The following RBM47 variants were observed in gnomAD, a reference collection of about 807,000 sequenced individuals.
The protein encoded by RBM47 is RNA binding motif protein 47.
RBM47 carries 21 observed loss-of-function variants against 47.1 expected under a neutral mutation model. That is an observed-to-expected ratio of 0.45 (90% CI 0.32 to 0.64). RBM47 has a LOEUF of 0.64. Ranked by LOEUF, RBM47 falls within the 30% of genes least tolerant of loss-of-function variation. The pLI, the probability that RBM47 is intolerant of heterozygous loss-of-function variation, is 0.05. For missense variants in RBM47, 708 were observed against 870.9 expected (o/e 0.81, Z 2.35); for synonymous variants, 375 against 361.7 (o/e 1.04, Z -0.42).
chr4:40,626,242 T>A (rs2154282441), intron 1 of RBM47, among the ~76,000 whole-genome samples: 1 of 152,274 alleles, frequency 6.6e-6, no homozygotes. Context: ...TTTTGTTTTG[T>A]TTTTTCAGGT....
Position 40,585,676 on chromosome 4 carries a change from C to T in RBM47, c.-239-41170G>A, listed in dbSNP as rs144026556. Among the ~76,000 whole-genome samples, 587 of 152,242 alleles carry T rather than the reference C, an allele frequency of 3.9e-3. 7 individuals carry two copies. The highest frequency in any genetic ancestry group is 0.014 in the African/African-American group (566 of 41,538). On this transcript the variant is annotated intron_variant, in intron 1 of 6. Coordinates refer to ENST00000295971, the MANE Select transcript of RBM47 (RefSeq NM_001098634.2). Reference sequence around the variant, plus strand: ...AAAACCAAAGCGAACCCAAGCAGTCCCACATGACAAAGGTGTTCCGGCACA... The same window carrying T: ...AAAACCAAAGCGAACCCAAGCAGTCTCACATGACAAAGGTGTTCCGGCACA...
At chr4:40,435,700 G>A (rs73231744) in intron 5 of RBM47, among the ~76,000 whole-genome samples, 9,702 of 152,142 alleles carry the variant, frequency 0.064, 340 homozygotes, top group Middle Eastern at 0.11. Context: ...TCTACCCTCC[G>A]ACTTCAGATG....
intron 2 of RBM47, among the ~76,000 whole-genome samples, chr4:40,476,905 C>T (rs1418136198): frequency 6.6e-6 from 1 of 152,202 alleles, no homozygotes; most frequent in Non-Finnish European, 1.5e-5. Context: ...TTCAGTTAAA[C>T]CTTAGTAACT....
At chr4:40,581,731 T>TGAGTGC (rs1732970455) in intron 1 of RBM47, among the ~76,000 whole-genome samples, 2 of 151,306 alleles carry the variant, frequency 1.3e-5, no homozygotes, top group South Asian at 2.1e-4. Context: ...AGGGTGTGTG[T>TGAGTGC]GAAGAGAGGC....
intron 1 of RBM47, among the ~76,000 whole-genome samples, chr4:40,548,630 G>A (rs147452107): frequency 6.6e-6 from 1 of 152,324 alleles, no homozygotes; most frequent in East Asian, 1.9e-4. Context: ...GCATTATGTA[G>A]GGAAAGAGAA....
chr4:40,538,323 G>GT (rs1728174051), intron 2 of RBM47, among the ~76,000 whole-genome samples: 1 of 132,536 alleles, frequency 7.5e-6, no homozygotes, highest in Non-Finnish European at 1.5e-5. Context: ...TCTTTTATTG[G>GT]TATTGTTTTT....
chr4:40,620,521 G>T (rs1003860797), intron 1 of RBM47, among the ~76,000 whole-genome samples: 1 of 151,886 alleles, frequency 6.6e-6, no homozygotes, highest in Non-Finnish European at 1.5e-5. Context: ...AAAACAAAAA[G>T]TCTGTATCTG....
chr4:40,481,483 A>ATTATTT lies in RBM47; in HGVS notation c.-154-14790_-154-14785dup, dbSNP rs1205187559. 8.0e-3 allele frequency among the ~76,000 whole-genome samples: 855 copies of ATTATTT among 106,358 alleles called. 6 individuals carry two copies. The highest frequency in any genetic ancestry group is 0.031 in the African/African-American group (701 of 22,618). The allele number at this position is 106,358 out of a possible 152,430, so 69.8% of individuals were successfully genotyped here. A position where few individuals can be genotyped will look rare whatever the true frequency, so the allele number is the denominator to read the frequency against. On this transcript the variant is annotated intron_variant, in intron 2 of 6. Coordinates refer to ENST00000295971, the MANE Select transcript of RBM47 (RefSeq NM_001098634.2). ...TATTATTATTATTATTATTATTATT[A>ATTATTT]TTATTTTTATTTTTATTTTTGAGAT...
At chr4:40,488,039 A>C (rs1010169411) in intron 2 of RBM47, among the ~76,000 whole-genome samples, 3 of 152,020 alleles carry the variant, frequency 2.0e-5, no homozygotes, top group African/African-American at 7.2e-5. Flanking sequence ...AGAGAGAGAG[A>C]GGCTGGGCAC....
At chr4:40,476,178 T>C (rs1176836122) in intron 2 of RBM47, among the ~76,000 whole-genome samples, 9 of 152,288 alleles carry the variant, frequency 5.9e-5, no homozygotes, top group Admixed American at 5.9e-4. Context: ...GTCTAGGCTG[T>C]TGGGATTAAA....
chr4:40,482,381 G>A (rs529859706), intron 2 of RBM47, among the ~76,000 whole-genome samples: 1 of 152,226 alleles, frequency 6.6e-6, no homozygotes, highest in South Asian at 2.1e-4. Flanking sequence ...AGCCTCCCAA[G>A]TAGCTGGGAC....
At chr4:40,515,150 A>G (rs891264137) in intron 2 of RBM47, among the ~76,000 whole-genome samples, 1 of 152,234 alleles carries the variant, frequency 6.6e-6, no homozygotes, top group Non-Finnish European at 1.5e-5. Context: ...GAAGTTTTGC[A>G]TTCCATTCAA....
intron 3 of RBM47, among the ~76,000 whole-genome samples, chr4:40,455,110 C>G (rs7667377): frequency 0.13 from 19,471 of 152,240 alleles, 1,401 homozygotes; most frequent in Admixed American, 0.19. Context: ...CACCACTCTT[C>G]TAAGCTTTCA....
chr4:40,499,384 T>C (rs1257935462), intron 2 of RBM47, among the ~76,000 whole-genome samples: 4 of 152,172 alleles, frequency 2.6e-5, no homozygotes, highest in Admixed American at 6.6e-5. Context: ...CTAATTTCAA[T>C]TTGTTATTAG....
At chr4:40,432,503 C>T in intron 6 of RBM47, 148 bp downstream of exon 6, 1 of 1,390,276 alleles carries the variant, frequency 7.2e-7, no homozygotes, top group Non-Finnish European at 9.8e-7. Flanking sequence ...TTCTGTCATG[C>T]TTCAAATTCA....
rs1324091809 is a variant in RBM47 at position 40,438,933 on chromosome 4, G to C, written c.-31-9C>G. On this transcript the variant is annotated splice_polypyrimidine_tract_variant and intron_variant, in intron 3 of 6. Coordinates refer to ENST00000295971, the MANE Select transcript of RBM47 (RefSeq NM_001098634.2). ...CCACAGCTGGCGGAAACCTGGGGAA[G>C]CAGAAAGAAGCGTGAGTGGGGAACC... 8 of 1,488,004 alleles carry C rather than the reference G, an allele frequency of 5.4e-6. No individual in the cohort carries two copies. The highest frequency in any genetic ancestry group is 6.2e-6 in the Non-Finnish European group (7 of 1,120,868). The allele number at this position is 1,488,004 out of a possible 1,614,324, so 92.2% of individuals were successfully genotyped here.
chr4:40,528,949 A>ATAAATAAAG (rs57303226), intron 2 of RBM47, among the ~76,000 whole-genome samples: 1 of 88,596 alleles, frequency 1.1e-5, no homozygotes, highest in South Asian at 3.3e-4. Flanking sequence ...TCTCAAAAAA[A>ATAAATAAAG]AAATAAATAA....
intron 1 of RBM47, among the ~76,000 whole-genome samples, chr4:40,576,700 G>A (rs1322432904): frequency 6.6e-6 from 1 of 152,152 alleles, no homozygotes; most frequent in East Asian, 1.9e-4. Flanking sequence ...GCCCCTCAGG[G>A]TGCTGGGATT....
At chr4:40,457,909 T>C (rs1020091202) in intron 3 of RBM47, among the ~76,000 whole-genome samples, 3 of 152,046 alleles carry the variant, frequency 2.0e-5, no homozygotes, top group African/African-American at 7.2e-5. Context: ...AGCCTTGGAG[T>C]TTGAGACCAA....
Sources: gnomAD v4.1 joint callset for allele counts (sites outside exome capture counted in the v4.1 genomes callset) on GRCh38, gnomAD v4.1.1 for gene constraint, MANE v1.5 for transcripts, NCBI Gene and HGNC (gene_info 2026-07-23, HGNC 2026-07-21) for gene names.